WWTR1: variants seen among roughly 807,000 people sequenced by gnomAD.
WWTR1 encodes WW domain containing transcription regulator 1, also known as WW domain-containing transcription regulator protein 1.
WWTR1 carries 13 observed loss-of-function variants against 40.1 expected under a neutral mutation model. That is an observed-to-expected ratio of 0.32 (90% CI 0.21 to 0.52). WWTR1 has a LOEUF of 0.52. WWTR1 is among the 20% of genes least tolerant of loss of function. The probability of loss-of-function intolerance (pLI) is 0.97; values close to 1 mark genes in which losing one functional copy is unlikely to be tolerated. For synonymous variants in WWTR1, 230 were observed against 210.1 expected (o/e 1.09, Z -0.82); for missense variants, 436 against 523.1 (o/e 0.83, Z 1.63).
At position 149,585,121 on chromosome 3, in the gene WWTR1, C is replaced by CGTGTGTGTGTGTGTGTGTGT. The variant is rs61655468; in HGVS notation, c.432-12141_432-12122dup. Among the ~76,000 whole-genome samples the CGTGTGTGTGTGTGTGTGTGT allele has an allele frequency of 9.4e-4, 136 of 144,412 alleles. 4 individuals carry two copies. Among genetic ancestry groups the CGTGTGTGTGTGTGTGTGTGT allele is most frequent in the East Asian group, 8.3e-3 (39 of 4,682 alleles). The allele number at this position is 144,412 out of a possible 152,430, so 94.7% of individuals were successfully genotyped here. ...AACTACAGATATACTTGATTTCTTT[C>CGTGTGTGTGTGTGTGTGTGT]GTGTGTGTGTGTGTGTGTGTGTGTG... On this transcript the variant is annotated intron_variant, in intron 2 of 6. Transcript: ENST00000360632.
chr3:149,710,968 A>G (rs1715465540), intron 5 of WWTR1, among the ~76,000 whole-genome samples: 2 of 152,176 alleles, frequency 1.3e-5, no homozygotes, highest in African/African-American at 4.8e-5. Context: ...GAGTAGAGCC[A>G]GCATATAAAG....
At chr3:149,645,603 A>C (rs1242741999) in intron 2 of WWTR1, among the ~76,000 whole-genome samples, 1 of 152,220 alleles carries the variant, frequency 6.6e-6, no homozygotes, top group African/African-American at 2.4e-5. Flanking sequence ...ACGTTTGTTC[A>C]TTATAGTCAC....
intron 1 of WWTR1, 115 bp from the exon 2 acceptor site, chr3:149,657,424 G>C: frequency 7.9e-7 from 1 of 1,263,718 alleles, no homozygotes; most frequent in Non-Finnish European, 1.1e-6. Flanking sequence ...AAGGAAACGA[G>C]GAGACAGATA....
intron 1 of WWTR1, among the ~76,000 whole-genome samples, chr3:149,673,002 G>T (rs919992680): frequency 1.3e-5 from 2 of 152,088 alleles, no homozygotes; most frequent in African/African-American, 4.8e-5. Flanking sequence ...AAAAGAAAAA[G>T]TATGAATTGC....
At chr3:149,716,306 T>C (rs1199308443) in intron 5 of WWTR1, among the ~76,000 whole-genome samples, 1 of 151,804 alleles carries the variant, frequency 6.6e-6, no homozygotes, top group Non-Finnish European at 1.5e-5. Context: ...TGCTGGAACC[T>C]GGAAGGCAGA....
At chr3:149,642,774 CAA>C (rs1208125999) in intron 2 of WWTR1, among the ~76,000 whole-genome samples, 15 of 62,126 alleles carry the variant, frequency 2.4e-4, no homozygotes, top group Admixed American at 1.8e-4. Flanking sequence ...GACTCCGTCT[CAA>C]AAAAAAAAAA....
At position 149,568,353 on chromosome 3, in the gene WWTR1, G is replaced by C. The variant is rs908514186; in HGVS notation, c.568+4511C>G. Among the ~76,000 whole-genome samples, 15 of 150,076 alleles carry C rather than the reference G, an allele frequency of 1.0e-4. 1 individual carries two copies. Among genetic ancestry groups the C allele is most frequent in the Admixed American group, 5.9e-4 (9 of 15,194 alleles). ...GTGAGCCAAGTCTAAAGTCCCCCAA[G>C]GTCGTCTTTTCTTCTTCCATTTATT... On this transcript the variant is annotated intron_variant, in intron 3 of 6. Transcript: ENST00000360632.
chr3:149,696,335 C>G (rs1714990282), intron 1 of WWTR1, among the ~76,000 whole-genome samples: 1 of 152,090 alleles, frequency 6.6e-6, no homozygotes, highest in South Asian at 2.1e-4. Flanking sequence ...CTTGGCTCCT[C>G]CCTTTGCTTT....
intron 3 of WWTR1, among the ~76,000 whole-genome samples, chr3:149,556,112 C>T (rs1482873145): frequency 1.3e-5 from 2 of 152,230 alleles, no homozygotes; most frequent in Non-Finnish European, 2.9e-5. Flanking sequence ...CCCTTGAGGC[C>T]TCTTGCCTGT....
intron 3 of WWTR1, among the ~76,000 whole-genome samples, chr3:149,544,200 A>T (rs891260524): frequency 6.6e-6 from 1 of 151,574 alleles, no homozygotes. Flanking sequence ...TAAATGTATA[A>T]TATATGTGTA....
chr3:149,664,426 T>C (rs938642916), intron 2 of WWTR1, among the ~76,000 whole-genome samples: 1 of 152,222 alleles, frequency 6.6e-6, no homozygotes, highest in African/African-American at 2.4e-5. Context: ...GTCCAGCATA[T>C]AGCAAATATG....
intron 2 of WWTR1, among the ~76,000 whole-genome samples, chr3:149,578,772 C>CT (rs1238499708): frequency 6.6e-6 from 1 of 151,932 alleles, no homozygotes; most frequent in Non-Finnish European, 1.5e-5. Context: ...TGGTGCTACT[C>CT]GGGAGGCAGA....
chr3:149,559,301 AAAAAAAAAAAAAG>A (rs1488799221), intron 3 of WWTR1, among the ~76,000 whole-genome samples: 5 of 150,632 alleles, frequency 3.3e-5, no homozygotes, highest in African/African-American at 1.2e-4. Context: ...CTCAAAAAAA[AAAAAAAAAAAAAG>A]AAAAGAAAAG....
intron 1 of WWTR1, among the ~76,000 whole-genome samples, chr3:149,671,459 T>A (rs1344848613): frequency 2.0e-5 from 3 of 152,214 alleles, no homozygotes; most frequent in African/African-American, 7.2e-5. Flanking sequence ...CTTCAAAAGT[T>A]TCTGCTGGCA....
intron 2 of WWTR1, among the ~76,000 whole-genome samples, chr3:149,609,818 A>G (rs970013690): frequency 9.9e-5 from 15 of 152,230 alleles, no homozygotes; most frequent in African/African-American, 3.6e-4. Context: ...CTGAAACTCC[A>G]CAGCAAACTA....
chr3:149,679,406 A>C (rs1373524196), intron 1 of WWTR1, among the ~76,000 whole-genome samples: 1 of 152,218 alleles, frequency 6.6e-6, no homozygotes, highest in Non-Finnish European at 1.5e-5. Context: ...CATATTCACC[A>C]ATGAATATGT....
At chr3:149,523,623 T>C (rs1735162797) in intron 6 of WWTR1, among the ~76,000 whole-genome samples, 1 of 152,216 alleles carries the variant, frequency 6.6e-6, no homozygotes, top group Admixed American at 6.5e-5. Flanking sequence ...CCTTTGCTCA[T>C]GTTATTCCCT....
chr3:149,692,518 A>T (rs911258508), intron 1 of WWTR1, among the ~76,000 whole-genome samples: 1 of 152,210 alleles, frequency 6.6e-6, no homozygotes, highest in Non-Finnish European at 1.5e-5. Context: ...GATAAAAGCC[A>T]TATATGACAG....
chr3:149,606,530 T>C (rs1382390420), intron 2 of WWTR1, among the ~76,000 whole-genome samples: 1 of 152,118 alleles, frequency 6.6e-6, no homozygotes, highest in Non-Finnish European at 1.5e-5. Flanking sequence ...TGAGGAAACA[T>C]CAGTATTTCT....
Sources: allele counts gnomAD v4.1 joint callset (sites outside exome capture counted in the v4.1 genomes callset), GRCh38; gene constraint gnomAD v4.1.1; transcripts MANE v1.5; gene names NCBI Gene and HGNC (gene_info 2026-07-23, HGNC 2026-07-21).